Variants in PAICS observed in about 807,000 individuals in gnomAD.
PAICS encodes the protein bifunctional phosphoribosylaminoimidazole carboxylase/phosphoribosylaminoimidazole succinocarboxamide synthetase.
In PAICS, 33 loss-of-function variants were observed where a neutral mutation model predicts 53.7. That is an observed-to-expected ratio of 0.61 (90% CI 0.47 to 0.82). PAICS has a LOEUF of 0.82. Among genes scored for constraint, PAICS ranks in the 40% least tolerant of loss-of-function variants. The pLI, the probability that PAICS is intolerant of heterozygous loss-of-function variation, is 0.00. For synonymous variants in PAICS, 141 were observed against 167.2 expected (o/e 0.84, Z 1.21); for missense variants, 394 against 494.1 (o/e 0.80, Z 1.92).
intron 8 of PAICS, 85 bp from the exon 9 acceptor site, chr4:56,459,287 G>C: frequency 1.2e-6 from 1 of 832,358 alleles, no homozygotes; most frequent in Non-Finnish European, 1.8e-6. Context: ...TGGCAGGACT[G>C]CTCTGAGTAT....
the PAICS span, among the ~76,000 whole-genome samples, chr4:56,418,739 T>C: frequency 1.3e-5 from 2 of 152,230 alleles, no homozygotes; most frequent in African/African-American, 4.8e-5. Context: ...ACTTCTTTTA[T>C]GAAAATGAAA....
At chr4:56,442,964 C>CAGGTTGCA (rs1718414997) in intron 2 of PAICS, among the ~76,000 whole-genome samples, 1 of 152,268 alleles carries the variant, frequency 6.6e-6, no homozygotes, top group Non-Finnish European at 1.5e-5. Context: ...CCTGGATTGT[C>CAGGTTGCA]ATCTACATCA....
rs574309101 is a variant in PAICS, at chr4:56,453,185, C to T, written c.953-418C>T. 1.6e-4 allele frequency among the ~76,000 whole-genome samples: 24 copies of T among 152,252 alleles called. No individual in the cohort carries two copies. The East Asian group carries it at 4.1e-3, about 26-fold the overall frequency. ...CTTCAACTCTTGTTTGAAGACGTGTCCCTAAACCCCTAGTTTATATTAACT... is the reference window on the plus strand; with the variant it reads ...CTTCAACTCTTGTTTGAAGACGTGTTCCTAAACCCCTAGTTTATATTAACT... On this transcript the variant is annotated intron_variant, in intron 7 of 8. Transcript: ENST00000512576.
chr4:56,442,206 A>G (rs957035683), intron 2 of PAICS, among the ~76,000 whole-genome samples: 4 of 152,226 alleles, frequency 2.6e-5, no homozygotes, highest in African/African-American at 7.2e-5. Context: ...AAGAACTGAA[A>G]TTTACTCCCT....
chr4:56,434,461 C>T (rs1000028114), upstream of PAICS, among the ~76,000 whole-genome samples: 1 of 152,100 alleles, frequency 6.6e-6, no homozygotes, highest in Admixed American at 6.5e-5. Context: ...TTTTCTTATC[C>T]TAGTGTAATA....
the PAICS span, chr4:56,421,083 AT>A: frequency 6.6e-6 from 1 of 152,392 alleles, no homozygotes; most frequent in South Asian, 2.1e-4. Context: ...CATCATGCAC[AT>A]TATGACCTGA....
chr4:56,463,007 AAAG>A lies in PAICS; in HGVS notation c.*3472_*3474del, dbSNP rs1042721140. On this transcript the variant is annotated 3_prime_UTR_variant, in exon 9 of 9. Coordinates refer to ENST00000512576, the MANE Select transcript of PAICS (RefSeq NM_001079524.2). ...AAGAGCAAAACTCTGTTTCAAAAAA[AAAG>A]AAAGAAAGAAAATTACCTGGAATTC... 6.6e-6 allele frequency: 1 copy of A among 152,118 alleles called. No individual in the cohort carries two copies. Among genetic ancestry groups the A allele is most frequent in the Non-Finnish European group, 1.5e-5 (1 of 68,008 alleles). The allele number at this position is 152,118 out of a possible 1,614,324, so 9.4% of individuals were successfully genotyped here.
upstream of PAICS, among the ~76,000 whole-genome samples, chr4:56,435,130 T>A (rs1348397322): frequency 6.6e-6 from 1 of 152,006 alleles, no homozygotes; most frequent in Non-Finnish European, 1.5e-5. Flanking sequence ...CTAAAAGGCA[T>A]AAGTGGCTGG....
At chr4:56,441,200 AT>A (rs1319599033) in intron 1 of PAICS, among the ~76,000 whole-genome samples, 2 of 152,010 alleles carry the variant, frequency 1.3e-5, no homozygotes, top group African/African-American at 4.8e-5. Flanking sequence ...AAAATCGCAT[AT>A]TTTTTCCTGC....
chr4:56,439,546 T>C (rs935498607), intron 1 of PAICS, among the ~76,000 whole-genome samples: 1 of 152,080 alleles, frequency 6.6e-6, no homozygotes, highest in Non-Finnish European at 1.5e-5. Flanking sequence ...CCACTGTTCT[T>C]TACCCTTCCC....
rs1578165053 is a variant in PAICS, at chr4:56,460,318, C to A, written c.*780C>A. The A allele has an allele frequency of 6.6e-6, 1 of 152,220 alleles. No homozygotes were observed. The highest frequency in any genetic ancestry group is 1.9e-4 in the East Asian group (1 of 5,184). 9.4% of individuals were successfully genotyped at this position (152,220 alleles called of 1,614,324 possible). The stretch of plus-strand genomic sequence containing the variant: ...TATACTCACTGTTGCAAGTCAGAAG[C>A]TTGATTTCATCATTGATGTTTTTCT... On this transcript the variant is annotated 3_prime_UTR_variant, in exon 9 of 9. Coordinates refer to ENST00000512576, the MANE Select transcript of PAICS (RefSeq NM_001079524.2).
chr4:56,457,430 GA>G (rs1313227911), intron 8 of PAICS, among the ~76,000 whole-genome samples: 3 of 151,980 alleles, frequency 2.0e-5, no homozygotes, highest in African/African-American at 4.8e-5. Context: ...TGTTTAAAAA[GA>G]AAAAAATTGC....
chr4:56,439,462 C>A (rs1718225485), intron 1 of PAICS, among the ~76,000 whole-genome samples: 1 of 152,120 alleles, frequency 6.6e-6, no homozygotes, highest in Admixed American at 6.5e-5. Flanking sequence ...GTCTTGAACT[C>A]CTAACCTCAA....
Position 56,459,455 on chromosome 4 carries a change from T to C in PAICS, c.1195T>C (p.Trp399Arg). Reference sequence around the variant, plus strand: ...ATTTGGGTTAAGCAACCATTTGGTATGGAGCAAACTGCGAGCAAGCATTTT... The same window carrying C: ...ATTTGGGTTAAGCAACCATTTGGTACGGAGCAAACTGCGAGCAAGCATTTT... ...QIFGLSNHLV[W>R]SKLRASILNT... The change falls in exon 9 of 9, where the codon TGG becomes CGG. Residue 399 changes from tryptophan (W) to arginine (R), a missense_variant. Trp to Arg is a moderately radical substitution (Grantham distance 101). This residue lies in a region of PAICS where 95 missense variants were observed against 89.3 expected (regional missense o/e 1.06). Coordinates refer to ENST00000512576, the MANE Select transcript of PAICS (RefSeq NM_001079524.2). 1.2e-6 allele frequency: 2 copies of C among 1,608,362 alleles called. No individual in the cohort carries two copies. Among genetic ancestry groups the C allele is most frequent in the South Asian group, 1.1e-5 (1 of 90,546 alleles).
chr4:56,418,064 C>T, the PAICS span, among the ~76,000 whole-genome samples: 1 of 152,076 alleles, frequency 6.6e-6, no homozygotes, highest in Non-Finnish European at 1.5e-5. Context: ...GTCTTGATCT[C>T]CTGACCTCGT....
Position 56,459,891 on chromosome 4 carries a change from G to GCAT in PAICS, c.*354_*356dup, listed in dbSNP as rs1719417321. On this transcript the variant is annotated 3_prime_UTR_variant, in exon 9 of 9. Coordinates refer to ENST00000512576, the MANE Select transcript of PAICS (RefSeq NM_001079524.2). ...CTCCCAGCTATATTTCTCCAGACTT[G>GCAT]CATTTTTTTTTTTTTTTTTGAGACA... 6.4e-6 allele frequency: 1 copy of GCAT among 156,254 alleles called. No individual in the cohort carries two copies. The highest frequency in any genetic ancestry group is 1.3e-5 in the Non-Finnish European group (1 of 74,298). The allele number at this position is 156,254 out of a possible 1,614,324, so 9.7% of individuals were successfully genotyped here. A position where few individuals can be genotyped will look rare whatever the true frequency, so the allele number is the denominator to read the frequency against.
At chr4:56,446,546 C>G in intron 2 of PAICS, 149 bp from the exon 3 acceptor site, 2 of 624,842 alleles carry the variant, frequency 3.2e-6, no homozygotes, top group Non-Finnish European at 5.8e-6. Flanking sequence ...AACAACTGAC[C>G]GCATCTACAT....
In PAICS at chr4:56,464,213, T is replaced by G. The variant is rs968003207; in HGVS notation, c.*4675T>G. On this transcript the variant is annotated 3_prime_UTR_variant, in exon 9 of 9. Transcript: ENST00000512576. ...CTGTACATATCCTATTGGTTCTGTA[T>G]TTTTTAGAGAACAAATACAGCCTAT... 2.6e-5 allele frequency: 4 copies of G among 152,208 alleles called. No individual in the cohort carries two copies. The highest frequency in any genetic ancestry group is 4.8e-5 in the African/African-American group (2 of 41,444). 9.4% of individuals were successfully genotyped at this position (152,208 alleles called of 1,614,324 possible).
At chr4:56,440,941 ACTT>A (rs1046363008) in intron 1 of PAICS, among the ~76,000 whole-genome samples, 5 of 152,110 alleles carry the variant, frequency 3.3e-5, no homozygotes, top group East Asian at 1.9e-4. Flanking sequence ...CCTTTTGTGT[ACTT>A]CTTAGGTTTT....
Sources: allele counts gnomAD v4.1 joint callset (sites outside exome capture counted in the v4.1 genomes callset), GRCh38; gene constraint gnomAD v4.1.1; regional missense constraint gnomAD v4.1.1; transcripts MANE v1.5; gene names NCBI Gene and HGNC (gene_info 2026-07-23, HGNC 2026-07-21).